The following TMEFF2 variants were observed in gnomAD, a reference collection of about 807,000 sequenced individuals.
The protein encoded by TMEFF2 is transmembrane protein with EGF like and two follistatin like domains 2, also known as tomoregulin-2.
Under a neutral mutation model 53.8 loss-of-function variants are expected in TMEFF2, and 28 were observed. That is an observed-to-expected ratio of 0.52 (90% CI 0.39 to 0.71). The LOEUF (loss-of-function observed/expected upper bound fraction) is 0.71, where lower values mean the gene tolerates loss of function less well. TMEFF2 is among the 30% of genes least tolerant of loss of function. TMEFF2 has a pLI of 0.00. For missense variants in TMEFF2, 353 were observed against 455.2 expected, an observed-to-expected ratio of 0.78 and a Z score of 2.04; for synonymous variants, 162 against 166.3, an observed-to-expected ratio of 0.97 and a Z score of 0.20.
At chr2:192,064,822 G>A (rs1006916400) in intron 4 of TMEFF2, among the ~76,000 whole-genome samples, 1 of 151,660 alleles carries the variant, frequency 6.6e-6, no homozygotes, top group Non-Finnish European at 1.5e-5. Context: ...TCCAAAATAT[G>A]GGCTGTTCCT....
At chr2:192,069,965 TG>T (rs1409720016) in intron 4 of TMEFF2, among the ~76,000 whole-genome samples, 3 of 10,906 alleles carry the variant, frequency 2.8e-4, no homozygotes, top group African/African-American at 5.6e-4. Flanking sequence ...TTTAGAAAAA[TG>T]TGTGTGTGTG....
At chr2:192,094,545 A>G (rs997665235) in intron 4 of TMEFF2, among the ~76,000 whole-genome samples, 1 of 151,970 alleles carries the variant, frequency 6.6e-6, no homozygotes, top group Non-Finnish European at 1.5e-5. Flanking sequence ...ACACACCTCA[A>G]TTTTTACCCT....
At chr2:191,990,764 G>T (rs1450812109) in intron 7 of TMEFF2, among the ~76,000 whole-genome samples, 1 of 83,748 alleles carries the variant, frequency 1.2e-5, no homozygotes, top group African/African-American at 4.4e-5. Context: ...TCTTTGCGGG[G>T]TGTGTGTGTG....
At chr2:192,042,133 G>A (rs1378259193) in intron 5 of TMEFF2, among the ~76,000 whole-genome samples, 2 of 150,934 alleles carry the variant, frequency 1.3e-5, no homozygotes, top group African/African-American at 2.4e-5. Context: ...CTCAGGAGGC[G>A]GAGGTTGCAG....
intron 7 of TMEFF2, among the ~76,000 whole-genome samples, chr2:191,963,053 G>A (rs898079019): frequency 2.0e-4 from 31 of 152,080 alleles, no homozygotes; most frequent in African/African-American, 7.5e-4. Flanking sequence ...TAAGTATCAG[G>A]CCTTGGGAAG....
chr2:192,000,828 T>C (rs1355326708), intron 5 of TMEFF2, among the ~76,000 whole-genome samples: 2 of 152,218 alleles, frequency 1.3e-5, no homozygotes, highest in East Asian at 3.8e-4. Context: ...CATTTACCTA[T>C]TTAGGAACAA....
intron 5 of TMEFF2, among the ~76,000 whole-genome samples, chr2:192,016,056 T>TC (rs1201053863): frequency 6.6e-6 from 1 of 152,178 alleles, no homozygotes; most frequent in Admixed American, 6.5e-5. Context: ...AGAAAGGTAC[T>TC]CACTTTTTGG....
intron 4 of TMEFF2, among the ~76,000 whole-genome samples, chr2:192,085,228 G>A (rs562087486): frequency 6.6e-6 from 1 of 152,196 alleles, no homozygotes; most frequent in South Asian, 2.1e-4. Flanking sequence ...AAGGATTTAG[G>A]AACCATGACA....
chr2:192,120,996 A>G (rs1689538426), intron 4 of TMEFF2, among the ~76,000 whole-genome samples: 1 of 152,130 alleles, frequency 6.6e-6, no homozygotes, highest in Non-Finnish European at 1.5e-5. Flanking sequence ...AGCCTCCCAA[A>G]GTGCTGGGAT....
chr2:191,949,999 C>T lies in TMEFF2; in HGVS notation c.*312G>A. ...TTATATTTACAGTTATGAGATACCG[C>T]AAATTTAAGAATGCCAATTTTTTCT... On this transcript the variant is annotated 3_prime_UTR_variant, in exon 10 of 10. Transcript: ENST00000272771. The T allele has an allele frequency of 1.8e-6, 2 of 1,109,334 alleles. No individual in the cohort carries two copies. The highest frequency in any genetic ancestry group is 2.2e-6 in the Non-Finnish European group (2 of 905,120). The allele number at this position is 1,109,334 out of a possible 1,614,324, so 68.7% of individuals were successfully genotyped here.
chr2:192,069,982 GTGTGTGTATATATATATATATATA>G (rs1332652491), intron 4 of TMEFF2, among the ~76,000 whole-genome samples: 9 of 8,286 alleles, frequency 1.1e-3, no homozygotes, highest in African/African-American at 2.2e-3. Context: ...GTGTGTGTGT[GTGTGTGTATATATATATATATATA>G]TATATATATA....
intron 4 of TMEFF2, among the ~76,000 whole-genome samples, chr2:192,133,144 A>G (rs1689899858): frequency 6.6e-6 from 1 of 151,940 alleles, no homozygotes; most frequent in Non-Finnish European, 1.5e-5. Flanking sequence ...ACTCCTTTTT[A>G]GTTATCCCCA....
chr2:192,009,368 G>A (rs1366713534), intron 5 of TMEFF2, among the ~76,000 whole-genome samples: 2 of 152,112 alleles, frequency 1.3e-5, no homozygotes, highest in African/African-American at 4.8e-5. Context: ...GGAAAATAAG[G>A]TGACATTTGT....
chr2:191,961,309 T>G (rs757984389), intron 7 of TMEFF2, among the ~76,000 whole-genome samples: 35 of 152,154 alleles, frequency 2.3e-4, no homozygotes, highest in Non-Finnish European at 4.6e-4. Context: ...ATGCGAGTAT[T>G]ACAGTTTGGT....
chr2:192,034,210 A>G (rs1398052064), intron 5 of TMEFF2, among the ~76,000 whole-genome samples: 1 of 151,646 alleles, frequency 6.6e-6, no homozygotes, highest in Non-Finnish European at 1.5e-5. Context: ...TTTTATAAAT[A>G]TGATTTTGAG....
intron 7 of TMEFF2, among the ~76,000 whole-genome samples, chr2:191,986,841 G>A (rs1302524939): frequency 7.0e-6 from 1 of 142,252 alleles, no homozygotes; most frequent in Admixed American, 7.2e-5. Context: ...CTGGGCGACA[G>A]AGTGAGACTC....
intron 7 of TMEFF2, among the ~76,000 whole-genome samples, chr2:191,963,134 A>C (rs1464161752): frequency 6.6e-6 from 1 of 152,060 alleles, no homozygotes; most frequent in Non-Finnish European, 1.5e-5. Flanking sequence ...TATCTGGGGC[A>C]ATTTGTTGCA....
chr2:191,949,996 C>A lies in TMEFF2; in HGVS notation c.*315G>T, dbSNP rs1224839993. 1 of 1,108,448 alleles carries A rather than the reference C, an allele frequency of 9.0e-7. No homozygotes were observed. Among genetic ancestry groups the A allele is most frequent in the Non-Finnish European group, 1.1e-6 (1 of 904,748 alleles). 68.7% of individuals were successfully genotyped at this position (1,108,448 alleles called of 1,614,324 possible). A position where few individuals can be genotyped will look rare whatever the true frequency, so the allele number is the denominator to read the frequency against. On this transcript the variant is annotated 3_prime_UTR_variant, in exon 10 of 10. Transcript: ENST00000272771. Reference sequence around the variant, plus strand: ...TGATTATATTTACAGTTATGAGATACCGCAAATTTAAGAATGCCAATTTTT... The same window carrying A: ...TGATTATATTTACAGTTATGAGATAACGCAAATTTAAGAATGCCAATTTTT...
chr2:192,031,405 G>A (rs1687133956), intron 5 of TMEFF2: 1 of 152,082 alleles, frequency 6.6e-6, no homozygotes, highest in African/African-American at 2.4e-5. Flanking sequence ...ATGAATACTT[G>A]GAGCGTGAGA....
Sources: allele counts gnomAD v4.1 joint callset (sites outside exome capture counted in the v4.1 genomes callset), GRCh38; gene constraint gnomAD v4.1.1; transcripts MANE v1.5; gene names NCBI Gene and HGNC (gene_info 2026-07-23, HGNC 2026-07-21).